Variants in KCNQ5 observed in about 807,000 individuals in gnomAD.
KCNQ5 encodes the protein potassium voltage-gated channel subfamily Q member 5, also known as potassium voltage-gated channel subfamily KQT member 5.
In KCNQ5, 30 loss-of-function variants were observed where a neutral mutation model predicts 98.2. The ratio of observed to expected loss-of-function variants is 0.31; its 90% CI spans 0.23 to 0.41. The LOEUF is 0.41. Ranked by LOEUF, KCNQ5 falls within the 10% of genes least tolerant of loss-of-function variation. The pLI, the probability that KCNQ5 is intolerant of heterozygous loss-of-function variation, is 1.00. For missense variants in KCNQ5, 835 were observed against 1,182.5 expected (o/e 0.71, Z 4.31); for synonymous variants, 458 against 449.4 (o/e 1.02, Z -0.24).
chr6:73,065,849 C>T (rs986547299), intron 3 of KCNQ5, among the ~76,000 whole-genome samples: 7 of 152,268 alleles, frequency 4.6e-5, no homozygotes, highest in African/African-American at 1.2e-4. Context: ...TTGAGACAAC[C>T]GAAAATACTA....
intron 3 of KCNQ5, among the ~76,000 whole-genome samples, chr6:73,051,731 A>C (rs4428468): frequency 0.84 from 110,679 of 132,208 alleles, 46,717 homozygotes; most frequent in South Asian, 0.9. Context: ...AAAAAAAAAA[A>C]AAAAAAAAAC....
intron 3 of KCNQ5, among the ~76,000 whole-genome samples, 162 bp from the exon 4 acceptor site, chr6:73,077,160 C>T (rs1377221263): frequency 5.9e-5 from 9 of 152,136 alleles, no homozygotes; most frequent in African/African-American, 1.7e-4. Flanking sequence ...CTTCAGTCTT[C>T]GGAAATGCCA....
At chr6:72,909,835 A>T (rs1292819735) in intron 1 of KCNQ5, among the ~76,000 whole-genome samples, 1 of 152,230 alleles carries the variant, frequency 6.6e-6, no homozygotes, top group Non-Finnish European at 1.5e-5. Context: ...TCAAACTGTT[A>T]ATCACAGGCA....
intron 1 of KCNQ5, among the ~76,000 whole-genome samples, chr6:72,884,374 A>G (rs1440058766): frequency 6.6e-6 from 1 of 152,182 alleles, no homozygotes; most frequent in African/African-American, 2.4e-5. Context: ...TAAAGAAAAA[A>G]GAAGGAAAAG....
intron 1 of KCNQ5, among the ~76,000 whole-genome samples, chr6:72,910,563 G>GTGTGTGT (rs1562062145): frequency 9.7e-4 from 42 of 43,080 alleles, no homozygotes; most frequent in Middle Eastern, 0.012. Flanking sequence ...AAGGTAGGGG[G>GTGTGTGT]GTGTGTGTGT....
intron 1 of KCNQ5, among the ~76,000 whole-genome samples, chr6:72,993,942 G>T (rs1769145103): frequency 1.0e-5 from 1 of 97,056 alleles, no homozygotes; most frequent in African/African-American, 5.2e-5. Flanking sequence ...GTGTGCCCCT[G>T]CTGGGGGGTT....
intron 1 of KCNQ5, among the ~76,000 whole-genome samples, chr6:72,738,402 A>G (rs981559790): frequency 1.3e-5 from 2 of 152,050 alleles, no homozygotes; most frequent in African/African-American, 4.8e-5. Flanking sequence ...TCTCTAAATT[A>G]CTATAAATAT....
At chr6:72,674,476 G>A (rs919501159) in intron 1 of KCNQ5, among the ~76,000 whole-genome samples, 46 of 151,702 alleles carry the variant, frequency 3.0e-4, no homozygotes, top group African/African-American at 1.1e-3. Context: ...ATATTTTTAA[G>A]TTAAAAAAAA....
At chr6:73,065,291 A>G (rs891556554) in intron 3 of KCNQ5, among the ~76,000 whole-genome samples, 3 of 151,780 alleles carry the variant, frequency 2.0e-5, no homozygotes, top group Non-Finnish European at 4.4e-5. Context: ...TCAGCCTTAG[A>G]CTCCCTCGTT....
rs1297109574 is a variant in KCNQ5, at chr6:72,728,336, A to T, written c.398+105749A>T. Among the ~76,000 whole-genome samples the T allele has an allele frequency of 2.6e-5, 4 of 152,140 alleles. No individual in the cohort carries two copies. The South Asian group carries it at 8.3e-4, about 32-fold the overall frequency. ...TATGAAATCAAGTTCAAATTCCAGG[A>T]TCTTATTATTTATACCTGTTCCAGA... On this transcript the variant is annotated intron_variant, in intron 1 of 13. Transcript: ENST00000370398.
intron 1 of KCNQ5, among the ~76,000 whole-genome samples, chr6:72,971,827 A>G (rs1196880106): frequency 6.6e-6 from 1 of 152,074 alleles, no homozygotes; most frequent in African/African-American, 2.4e-5. Context: ...ATCACACACC[A>G]GGGCCTGTTG....
chr6:72,839,436 A>G (rs952361927), intron 1 of KCNQ5, among the ~76,000 whole-genome samples: 1 of 152,162 alleles, frequency 6.6e-6, no homozygotes, highest in African/African-American at 2.4e-5. Context: ...TTAAAAGTAG[A>G]TCGTGTTTTC....
Position 72,622,148 on chromosome 6 carries a change from C to G in KCNQ5, c.-42C>G. ...GCGCACATGAGGCCGCTGCCCCCGCCGCAGGCGCTGGCGGCCCCCTCGCGG... is the reference window on the plus strand; with the variant it reads ...GCGCACATGAGGCCGCTGCCCCCGCGGCAGGCGCTGGCGGCCCCCTCGCGG... On this transcript the variant is annotated 5_prime_UTR_variant, in exon 1 of 14. Transcript: ENST00000370398. The surrounding 1 kb of genome is among the most constrained non-coding windows in gnomAD (Gnocchi z 6.0). The G allele has an allele frequency of 5.8e-6, 7 of 1,214,484 alleles. No homozygotes were observed. The highest frequency in any genetic ancestry group is 7.2e-6 in the Non-Finnish European group (7 of 976,730). The allele number at this position is 1,214,484 out of a possible 1,614,324, so 75.2% of individuals were successfully genotyped here.
chr6:73,077,227 T>C, intron 3 of KCNQ5, 95 bp from the exon 4 acceptor site: 3 of 1,258,542 alleles, frequency 2.4e-6, no homozygotes, highest in Non-Finnish European at 2.3e-6. Context: ...ATCTGTACCT[T>C]AAATAGGTCA....
chr6:72,752,464 A>G (rs1771732706), intron 1 of KCNQ5, among the ~76,000 whole-genome samples: 1 of 152,144 alleles, frequency 6.6e-6, no homozygotes, highest in Non-Finnish European at 1.5e-5. Flanking sequence ...TCTTTAGGTA[A>G]CAACTATATC....
chr6:72,963,540 G>T (rs1767472922), intron 1 of KCNQ5, among the ~76,000 whole-genome samples: 1 of 152,116 alleles, frequency 6.6e-6, no homozygotes. Flanking sequence ...AAGGAGTATT[G>T]TTTAGCAAAT....
rs1181541146 is a variant in KCNQ5, at chr6:72,839,974, C to G, written c.399-163934C>G. Among the ~76,000 whole-genome samples, 11 of 152,302 alleles carry G rather than the reference C, an allele frequency of 7.2e-5. No individual in the cohort carries two copies. The South Asian group carries it at 8.3e-4, about 11-fold the overall frequency. On this transcript the variant is annotated intron_variant, in intron 1 of 13. Transcript: ENST00000370398. ...ATTTATTTCTCCTGTCTAACTGAAA[C>G]TTTGTTCCCTTCGACCGATATCTCT...
intron 1 of KCNQ5, among the ~76,000 whole-genome samples, chr6:72,865,642 C>A (rs1485291715): frequency 1.3e-5 from 2 of 152,104 alleles, no homozygotes; most frequent in Non-Finnish European, 2.9e-5. Context: ...GAAAACTTGG[C>A]CCTAATTCCA....
intron 1 of KCNQ5, among the ~76,000 whole-genome samples, chr6:72,803,608 A>G (rs961858821): frequency 1.3e-5 from 2 of 152,176 alleles, no homozygotes; most frequent in African/African-American, 2.4e-5. Context: ...GCGACATTGT[A>G]TAAGTACTTT....
Sources: gnomAD v4.1 joint callset for allele counts (sites outside exome capture counted in the v4.1 genomes callset) on GRCh38, gnomAD v4.1.1 for gene constraint, Gnocchi (gnomAD v3.1) non-coding constraint, MANE v1.5 for transcripts, NCBI Gene and HGNC (gene_info 2026-07-23, HGNC 2026-07-21) for gene names.